The following ST7 variants were observed in gnomAD, a reference collection of about 807,000 sequenced individuals.
ST7 encodes the protein suppressor of tumorigenicity 7 protein.
ST7 carries 28 observed loss-of-function variants against 78.7 expected under a neutral mutation model. That is an observed-to-expected ratio of 0.36 (90% CI 0.26 to 0.49). The LOEUF is 0.49. ST7 is among the 20% of genes least tolerant of loss of function. The pLI, the probability that ST7 is intolerant of heterozygous loss-of-function variation, is 0.99. For synonymous variants in ST7, 247 were observed against 249.6 expected (o/e 0.99, Z 0.10); for missense variants, 418 against 696.0 (o/e 0.60, Z 4.49).
At position 117,119,717 on chromosome 7, in the gene ST7, T is replaced by C. The variant is rs1411802568; in HGVS notation, c.391T>C (p.Ser131Pro). The part of the protein sequence containing the change: ...GDSDSNRQSV[S>P]ECKVWRNPLN... The stretch of plus-strand genomic sequence containing the variant: ...CTCAGATTCCAATAGGCAAAGTGTC[T>C]CAGGTATGGAATTTCCTTCAGTTTG... The change falls in exon 3 of 16, where the codon TCA becomes CCA. Residue 131 changes from serine to proline, a missense_variant. Around this residue, in one of 4 missense-constraint regions of ST7, gnomAD observed 36 missense variants for 29.7 expected, o/e 1.21. Coordinates refer to ENST00000323984, the MANE Select transcript of ST7 (RefSeq NM_001369598.1). The C allele has an allele frequency of 6.2e-7, 1 of 1,611,176 alleles. No homozygotes were observed. The highest frequency in any genetic ancestry group is 8.5e-7 in the Non-Finnish European group (1 of 1,179,562).
intron 7 of ST7, 134 bp from the exon 8 acceptor site, chr7:117,135,947 A>C (rs138550646): frequency 1.2e-6 from 1 of 860,718 alleles, no homozygotes; most frequent in East Asian, 2.5e-5. Flanking sequence ...CAGCAACTAC[A>C]AACAGGAGTG....
chr7:117,183,223 C>T (rs949328596), intron 10 of ST7, among the ~76,000 whole-genome samples: 5 of 151,708 alleles, frequency 3.3e-5, no homozygotes, highest in Admixed American at 1.3e-4. Context: ...GACATGAGTT[C>T]GAGACTACCT....
At chr7:116,972,114 G>T in intron 1 of ST7, 1 of 543,942 alleles carries the variant, frequency 1.8e-6, no homozygotes. Flanking sequence ...GCTGGCCTCA[G>T]GCAGAGTCAG....
chr7:117,012,326 A>G (rs1427418783), intron 1 of ST7, among the ~76,000 whole-genome samples: 1 of 150,524 alleles, frequency 6.6e-6, no homozygotes, highest in Non-Finnish European at 1.5e-5. Flanking sequence ...CCTACTCTAC[A>G]CAGGCAGTAT....
At chr7:117,011,337 G>T (rs904444631) in intron 1 of ST7, among the ~76,000 whole-genome samples, 3 of 152,158 alleles carry the variant, frequency 2.0e-5, no homozygotes, top group Non-Finnish European at 4.4e-5. Context: ...CAAAGCCCTG[G>T]CAGGATAGAA....
chr7:116,955,366 C>T (rs1420915952), intron 1 of ST7, among the ~76,000 whole-genome samples: 1 of 152,152 alleles, frequency 6.6e-6, no homozygotes, highest in Non-Finnish European at 1.5e-5. Flanking sequence ...AAGGGACTGG[C>T]ATGTGGGGAG....
At position 117,080,057 on chromosome 7, in the gene ST7, C is replaced by T. The variant is rs913775550; in HGVS notation, c.152-19705C>T. ...GTGCAGTGGCGGGATCTCGGCTCACCGCAAGCTCCGCCTCCCGGGTTCACG... is the reference window on the plus strand; with the variant it reads ...GTGCAGTGGCGGGATCTCGGCTCACTGCAAGCTCCGCCTCCCGGGTTCACG... On this transcript the variant is annotated intron_variant, in intron 1 of 15. Transcript: ENST00000323984. Among the ~76,000 whole-genome samples the T allele has an allele frequency of 4.9e-3, 721 of 146,402 alleles. 5 individuals are homozygous for T. Among genetic ancestry groups the T allele is most frequent in the African/African-American group, 0.017 (688 of 39,588 alleles).
intron 1 of ST7, among the ~76,000 whole-genome samples, chr7:117,092,562 T>C (rs909243373): frequency 1.3e-5 from 2 of 152,130 alleles, no homozygotes; most frequent in African/African-American, 4.8e-5. Context: ...CCTTACTTAA[T>C]AGATGCTGAC....
intron 9 of ST7, among the ~76,000 whole-genome samples, chr7:117,170,061 C>T (rs1485603268): frequency 6.6e-6 from 1 of 152,112 alleles, no homozygotes; most frequent in East Asian, 1.9e-4. Flanking sequence ...TTAACTTTGC[C>T]ACTAGGCTGC....
At chr7:117,021,318 A>T (rs967940316) in intron 1 of ST7, among the ~76,000 whole-genome samples, 2 of 152,232 alleles carry the variant, frequency 1.3e-5, no homozygotes, top group Non-Finnish European at 2.9e-5. Flanking sequence ...TAAAAATTAC[A>T]ACCAAACTAT....
intron 1 of ST7, among the ~76,000 whole-genome samples, chr7:116,965,582 A>T (rs1029170357): frequency 5.9e-5 from 9 of 152,266 alleles, no homozygotes; most frequent in Middle Eastern, 3.4e-3. Flanking sequence ...TATAATAAAA[A>T]TTTTTTTAAA....
intron 1 of ST7, among the ~76,000 whole-genome samples, chr7:117,056,651 ATAAAT>A (rs923783439): frequency 6.6e-6 from 1 of 152,082 alleles, no homozygotes; most frequent in African/African-American, 2.4e-5. Context: ...AAAAATAAAA[ATAAAT>A]TAAAAAAAAT....
chr7:117,090,949 C>G (rs367934198), intron 1 of ST7: 25 of 163,240 alleles, frequency 1.5e-4, no homozygotes, highest in African/African-American at 5.8e-4. Context: ...CTGCATTGTT[C>G]CCACCAATAC....
chr7:116,956,640 G>A, intron 1 of ST7: 1 of 471,184 alleles, frequency 2.1e-6, no homozygotes, highest in Non-Finnish European at 4.4e-6. Context: ...GTGTTCTGGA[G>A]TCATTCTTGG....
chr7:117,101,562 C>T (rs1212177898), intron 2 of ST7, among the ~76,000 whole-genome samples: 2 of 152,180 alleles, frequency 1.3e-5, no homozygotes, highest in African/African-American at 4.8e-5. Flanking sequence ...TGGTTCTCCA[C>T]ATATGGTCAA....
At chr7:117,119,748 T>C in intron 3 of ST7, 28 bp downstream of exon 3, 1 of 1,603,230 alleles carries the variant, frequency 6.2e-7, no homozygotes, top group Non-Finnish European at 8.5e-7. Context: ...GTTTGCAATA[T>C]TATTTGCTTA....
At chr7:117,112,972 G>A (rs1802554891) in intron 2 of ST7, among the ~76,000 whole-genome samples, 1 of 152,186 alleles carries the variant, frequency 6.6e-6, no homozygotes, top group South Asian at 2.1e-4. Flanking sequence ...TACCTCTCGT[G>A]GACTGATTGT....
At chr7:117,184,367 C>A (rs1809043027) in intron 10 of ST7, among the ~76,000 whole-genome samples, 1 of 152,170 alleles carries the variant, frequency 6.6e-6, no homozygotes, top group Non-Finnish European at 1.5e-5. Flanking sequence ...ACTGCAGAGT[C>A]AGTGTGTTCA....
intron 1 of ST7, among the ~76,000 whole-genome samples, chr7:117,093,113 C>T (rs527418566): frequency 1.3e-5 from 2 of 152,228 alleles, no homozygotes; most frequent in East Asian, 1.9e-4. Context: ...ATTTCTTTGC[C>T]TTCTAAAATG....
Sources: gnomAD v4.1 joint callset for allele counts (sites outside exome capture counted in the v4.1 genomes callset) on GRCh38, gnomAD v4.1.1 for gene constraint, gnomAD v4.1.1 regional missense constraint, MANE v1.5 for transcripts, NCBI Gene and HGNC (gene_info 2026-07-23, HGNC 2026-07-21) for gene names.